Variants in GALNT2 observed in about 807,000 individuals in gnomAD.
GALNT2 encodes the protein polypeptide N-acetylgalactosaminyltransferase 2, also known as UDP-GalNAc:polypeptide N-acetylgalactosaminyltransferase 2.
In GALNT2, 31 loss-of-function variants were observed where a neutral mutation model predicts 81.4. The ratio of observed to expected loss-of-function variants is 0.38; its 90% CI spans 0.29 to 0.51. GALNT2 has a LOEUF of 0.51. Among genes scored for constraint, GALNT2 ranks in the 20% least tolerant of loss-of-function variants. The pLI is 0.87. For synonymous variants in GALNT2, 303 were observed against 287.4 expected (o/e 1.05, Z -0.55); for missense variants, 629 against 765.7 (o/e 0.82, Z 2.11).
At chr1:230,273,689 G>A (rs1666210572) in intron 14 of GALNT2, among the ~76,000 whole-genome samples, 1 of 152,138 alleles carries the variant, frequency 6.6e-6, no homozygotes, top group African/African-American at 2.4e-5. Context: ...ATATATGTGT[G>A]TGTTTGTTTG....
Position 230,280,054 on chromosome 1 carries a change from TA to T in GALNT2, c.*599del. On this transcript the variant is annotated 3_prime_UTR_variant, in exon 16 of 16. Coordinates refer to ENST00000366672, the MANE Select transcript of GALNT2 (RefSeq NM_004481.5). ...GATGAAGTTTTCTATGGTGGGACAC[TA>T]AATATAAAGCTATATAGAGAAAGAA... 2.2e-6 allele frequency: 1 copy of T among 455,696 alleles called. No individual in the cohort carries two copies. The highest frequency in any genetic ancestry group is 3.3e-4 in the Middle Eastern group (1 of 3,070). 28.2% of individuals were successfully genotyped at this position (455,696 alleles called of 1,614,324 possible).
At chr1:230,225,157 A>G (rs1664668806) in intron 3 of GALNT2, among the ~76,000 whole-genome samples, 1 of 152,254 alleles carries the variant, frequency 6.6e-6, no homozygotes, top group African/African-American at 2.4e-5. Context: ...ATATTATGCC[A>G]TTATGACTGT....
chr1:230,093,749 A>G (rs938101633), intron 1 of GALNT2, among the ~76,000 whole-genome samples: 16 of 152,210 alleles, frequency 1.1e-4, no homozygotes, highest in Non-Finnish European at 2.1e-4. Context: ...ATACACAAAT[A>G]CTATTATGTT....
At chr1:230,187,407 G>A (rs541007491) in intron 2 of GALNT2, among the ~76,000 whole-genome samples, 1 of 152,360 alleles carries the variant, frequency 6.6e-6, no homozygotes, top group East Asian at 1.9e-4. Context: ...CTCATGGGAG[G>A]AGCAGCATGC....
At chr1:230,067,751 G>C (rs890684191) in intron 1 of GALNT2, among the ~76,000 whole-genome samples, 1 of 152,202 alleles carries the variant, frequency 6.6e-6, no homozygotes, top group Non-Finnish European at 1.5e-5. Context: ...AAACACAAAG[G>C]GGGTGGGGAG....
chr1:230,067,340 C>T lies in GALNT2; in HGVS notation c.60C>T (p.Ala20=). 1 of 1,384,086 alleles carries T rather than the reference C, an allele frequency of 7.2e-7. No individual in the cohort carries two copies. The highest frequency in any genetic ancestry group is 1.5e-5 in the African/African-American group (1 of 66,122). 85.7% of individuals were successfully genotyped at this position (1,384,086 alleles called of 1,614,324 possible). Residue 20 remains alanine, a synonymous_variant, in exon 1 of 16, where the codon GCC becomes GCT. Coordinates refer to ENST00000366672, the MANE Select transcript of GALNT2 (RefSeq NM_004481.5). ...CFAFLWVLGI[A]YYMYSGGGSA... Reference sequence around the variant, plus strand: ...CCTTCCTGTGGGTGCTGGGCATCGCCTACTACATGTACTCGGGGGGCGGCT... The same window carrying T: ...CCTTCCTGTGGGTGCTGGGCATCGCTTACTACATGTACTCGGGGGGCGGCT...
intron 1 of GALNT2, among the ~76,000 whole-genome samples, chr1:230,068,381 C>T (rs1327304172): frequency 2.6e-5 from 4 of 152,220 alleles, no homozygotes; most frequent in African/African-American, 9.7e-5. Flanking sequence ...CTGGAGCATG[C>T]CGGCAGGGGA....
chr1:230,278,405 G>A (rs988960177), intron 15 of GALNT2, among the ~76,000 whole-genome samples: 3 of 152,078 alleles, frequency 2.0e-5, no homozygotes, highest in Non-Finnish European at 2.9e-5. Context: ...GATTAGTGTC[G>A]TGAGCCGCCT....
chr1:230,265,031 T>A, intron 13 of GALNT2: 1 of 476,664 alleles, frequency 2.1e-6, no homozygotes. Context: ...TTCTGCAACA[T>A]ACAGTCTTAA....
chr1:230,196,440 T>C (rs1663697841), intron 2 of GALNT2, among the ~76,000 whole-genome samples: 1 of 152,168 alleles, frequency 6.6e-6, no homozygotes, highest in Non-Finnish European at 1.5e-5. Flanking sequence ...GCTGTTCTGA[T>C]CAACTTGGGG....
At chr1:230,058,154 T>C (rs1413960882) in intron 1 of GALNT2, 4 of 455,132 alleles carry the variant, frequency 8.8e-6, no homozygotes, top group African/African-American at 8.0e-5. Context: ...ACCATGAGTC[T>C]CCTTTCCTAG....
At chr1:230,083,446 G>A (rs1659808131) in intron 1 of GALNT2, among the ~76,000 whole-genome samples, 1 of 150,848 alleles carries the variant, frequency 6.6e-6, no homozygotes, top group African/African-American at 2.4e-5. Flanking sequence ...GGAGCAGGGA[G>A]CTGGGATGTT....
At chr1:230,095,277 G>A (rs758689692) in intron 1 of GALNT2, among the ~76,000 whole-genome samples, 3 of 152,134 alleles carry the variant, frequency 2.0e-5, no homozygotes, top group Admixed American at 2.0e-4. Context: ...AACCCCACAT[G>A]CTGACCATGT....
At chr1:230,186,447 C>T (rs945207699) in intron 2 of GALNT2, among the ~76,000 whole-genome samples, 4 of 152,214 alleles carry the variant, frequency 2.6e-5, no homozygotes. Flanking sequence ...GTAAAGTAAA[C>T]ATTACCCACA....
intron 1 of GALNT2, among the ~76,000 whole-genome samples, chr1:230,158,164 C>T (rs1039472031): frequency 6.6e-6 from 1 of 152,028 alleles, no homozygotes; most frequent in South Asian, 2.1e-4. Context: ...TGGTGGAACA[C>T]AGAGAGCCCT....
chr1:230,183,721 T>C (rs1663229841), intron 2 of GALNT2, among the ~76,000 whole-genome samples: 1 of 152,232 alleles, frequency 6.6e-6, no homozygotes, highest in Non-Finnish European at 1.5e-5. Flanking sequence ...CTCATGCCTG[T>C]AATCCCAGCA....
At chr1:230,116,237 C>CTT (rs943656261) in intron 1 of GALNT2, among the ~76,000 whole-genome samples, 2 of 147,860 alleles carry the variant, frequency 1.4e-5, no homozygotes, top group African/African-American at 4.9e-5. Flanking sequence ...AAACATCTTT[C>CTT]TTTTTTTTTT....
intron 3 of GALNT2, 45 bp from the exon 4 acceptor site, chr1:230,235,969 G>A: frequency 6.3e-7 from 1 of 1,578,294 alleles, no homozygotes; most frequent in South Asian, 1.1e-5. Flanking sequence ...AGCTGTGGCT[G>A]CTCTGGGGGT....
chr1:230,106,757 GC>G (rs1408137194), intron 1 of GALNT2, among the ~76,000 whole-genome samples: 1 of 128,484 alleles, frequency 7.8e-6, no homozygotes, highest in Admixed American at 8.1e-5. Context: ...GTGCTGGTGA[GC>G]TTGGGCAGTG....
Sources: allele counts gnomAD v4.1 joint callset (sites outside exome capture counted in the v4.1 genomes callset), GRCh38; gene constraint gnomAD v4.1.1; transcripts MANE v1.5; gene names NCBI Gene and HGNC (gene_info 2026-07-23, HGNC 2026-07-21).